Variants in CNTLN observed in about 807,000 individuals in gnomAD.
The protein encoded by CNTLN is centlein, centrosomal protein.
In CNTLN, 212 loss-of-function variants were observed where a neutral mutation model predicts 180.0. The observed-to-expected ratio is 1.18, with a 90% CI of 1.05 to 1.32. CNTLN has a LOEUF of 1.32. Ranked by LOEUF, CNTLN falls within the 40% of genes most tolerant of loss-of-function variation. The pLI, the probability that CNTLN is intolerant of heterozygous loss-of-function variation, is 0.00. For missense variants in CNTLN, 2,095 were observed against 1,610.9 expected, an observed-to-expected ratio of 1.30 and a Z score of -5.14; for synonymous variants, 722 against 563.1, an observed-to-expected ratio of 1.28 and a Z score of -3.99.
intron 18 of CNTLN, among the ~76,000 whole-genome samples, chr9:17,426,993 T>C (rs1169058418): frequency 6.6e-6 from 1 of 152,212 alleles, no homozygotes; most frequent in Non-Finnish European, 1.5e-5. Context: ...AGAATTTTTG[T>C]ACTCTGCCCT....
intron 2 of CNTLN, among the ~76,000 whole-genome samples, chr9:17,210,170 C>T (rs950303848): frequency 2.6e-5 from 4 of 152,092 alleles, no homozygotes; most frequent in African/African-American, 7.2e-5. Context: ...CCCATTAACT[C>T]GTCATTTACA....
rs182655182 is a variant in CNTLN at position 17,421,340 on chromosome 9, T to C, written c.3114+5151T>C. On this transcript the variant is annotated intron_variant, in intron 18 of 25. Coordinates refer to ENST00000380647, the MANE Select transcript of CNTLN (RefSeq NM_017738.4). ...TATAATGACCTTTTCTTTCTCTCTT[T>C]ATATTTTTTTGTCTCAAATTTTAAA... is the stretch of plus-strand genomic sequence containing the variant. Among the ~76,000 whole-genome samples, 1,206 of 152,254 alleles carry C rather than the reference T, an allele frequency of 7.9e-3. 11 individuals carry two copies. The highest frequency in any genetic ancestry group is 0.012 in the Non-Finnish European group (817 of 67,980).
chr9:17,453,525 A>G (rs1347488511), intron 18 of CNTLN, among the ~76,000 whole-genome samples: 1 of 152,190 alleles, frequency 6.6e-6, no homozygotes, highest in South Asian at 2.1e-4. Flanking sequence ...CAGGACCCAT[A>G]TTAATTTTCT....
chr9:17,189,545 G>C (rs903723884), intron 2 of CNTLN, among the ~76,000 whole-genome samples: 5 of 151,060 alleles, frequency 3.3e-5, no homozygotes, highest in African/African-American at 7.3e-5. Context: ...GTGCAGTGGC[G>C]TGATCTTGGC....
chr9:17,402,310 G>A (rs1827041795), intron 15 of CNTLN, among the ~76,000 whole-genome samples: 1 of 151,746 alleles, frequency 6.6e-6, no homozygotes, highest in South Asian at 2.1e-4. Context: ...CCCAAAATAT[G>A]AACAGGTAGG....
intron 5 of CNTLN, among the ~76,000 whole-genome samples, chr9:17,259,562 C>G (rs1826787359): frequency 6.6e-6 from 1 of 150,458 alleles, no homozygotes; most frequent in South Asian, 2.1e-4. Context: ...ACCAGTTCCT[C>G]CTTGTACCTC....
At chr9:17,170,616 A>G (rs138462459) in intron 2 of CNTLN, among the ~76,000 whole-genome samples, 3 of 151,926 alleles carry the variant, frequency 2.0e-5, no homozygotes, top group Admixed American at 1.3e-4. Flanking sequence ...TTTGCATTTC[A>G]TTGTTATATT....
chr9:17,386,694 A>G (rs887899263), intron 13 of CNTLN, among the ~76,000 whole-genome samples: 3 of 152,226 alleles, frequency 2.0e-5, no homozygotes, highest in Admixed American at 6.5e-5. Flanking sequence ...AGTGGACCTC[A>G]CACACATCCA....
rs541102220 is a variant in CNTLN at position 17,422,071 on chromosome 9, C to G, written c.3114+5882C>G. On this transcript the variant is annotated intron_variant, in intron 18 of 25. Transcript: ENST00000380647. ...ACTCCCTTTAGCATTTCTTGTAGGA[C>G]AGATCTGGTGTTGGCAAAATTCTCA... Among the ~76,000 whole-genome samples, 23 of 152,194 alleles carry G rather than the reference C, an allele frequency of 1.5e-4. No homozygotes were observed. The East Asian group carries it at 4.4e-3, about 29-fold the overall frequency.
rs549020884 is a variant in CNTLN, at chr9:17,284,271, C to A, written c.983+10405C>A. ...GGGTTTGGTATCAGGATGATACTGA[C>A]CTCATAAAATGAATTAGGGAGCAGA... is the stretch of plus-strand genomic sequence containing the variant. On this transcript the variant is annotated intron_variant, in intron 6 of 25. Coordinates refer to ENST00000380647, the MANE Select transcript of CNTLN (RefSeq NM_017738.4). 3.3e-5 allele frequency among the ~76,000 whole-genome samples: 5 copies of A among 152,214 alleles called. No homozygotes were observed. In the South Asian group the frequency reaches 1.0e-3, roughly 32 times the overall value.
intron 12 of CNTLN, among the ~76,000 whole-genome samples, chr9:17,357,612 T>TAA (rs201283112): frequency 0.042 from 3,729 of 88,570 alleles, 207 homozygotes; most frequent in East Asian, 0.33. Context: ...CATATATATA[T>TAA]AAATACTACA....
intron 16 of CNTLN, among the ~76,000 whole-genome samples, chr9:17,409,836 T>G (rs1055747102): frequency 6.6e-6 from 1 of 152,110 alleles, no homozygotes; most frequent in African/African-American, 2.4e-5. Context: ...ATCTCTAAAT[T>G]ACTTATTTCT....
At chr9:17,425,602 T>C (rs915613780) in intron 18 of CNTLN, among the ~76,000 whole-genome samples, 3 of 152,118 alleles carry the variant, frequency 2.0e-5, no homozygotes, top group African/African-American at 7.2e-5. Flanking sequence ...GGCTTTGGAA[T>C]TGGGTAATAG....
chr9:17,188,043 T>G (rs4961530), intron 2 of CNTLN, among the ~76,000 whole-genome samples: 1 of 149,274 alleles, frequency 6.7e-6, no homozygotes, highest in African/African-American at 2.5e-5. Context: ...CACAGCATAT[T>G]TATGTATATA....
At chr9:17,481,134 A>G (rs1245054720) in intron 23 of CNTLN, among the ~76,000 whole-genome samples, 1 of 152,000 alleles carries the variant, frequency 6.6e-6, no homozygotes, top group African/African-American at 2.4e-5. Flanking sequence ...CACAGTCTGG[A>G]CCCCGCCGAC....
chr9:17,202,616 G>C (rs1390691175), intron 2 of CNTLN, among the ~76,000 whole-genome samples: 1 of 99,992 alleles, frequency 1.0e-5, no homozygotes, highest in African/African-American at 3.7e-5. Context: ...TTTAAAGTCT[G>C]TTTTATCAGA....
At chr9:17,172,266 C>A (rs1820468309) in intron 2 of CNTLN, among the ~76,000 whole-genome samples, 1 of 152,124 alleles carries the variant, frequency 6.6e-6, no homozygotes. Context: ...GACTGTTAAG[C>A]TCCTTAGCAG....
chr9:17,408,308 A>G (rs1359325780), intron 15 of CNTLN, among the ~76,000 whole-genome samples: 1 of 152,110 alleles, frequency 6.6e-6, no homozygotes, highest in East Asian at 1.9e-4. Flanking sequence ...AATGTTCCAC[A>G]CAACCTCAAC....
At chr9:17,290,777 T>G (rs1829333505) in intron 6 of CNTLN, among the ~76,000 whole-genome samples, 1 of 151,610 alleles carries the variant, frequency 6.6e-6, no homozygotes. Flanking sequence ...ATTTTCCAGG[T>G]GCGTCTGTCA....
Sources: gnomAD v4.1 joint callset for allele counts (sites outside exome capture counted in the v4.1 genomes callset) on GRCh38, gnomAD v4.1.1 for gene constraint, MANE v1.5 for transcripts, NCBI Gene and HGNC (gene_info 2026-07-23, HGNC 2026-07-21) for gene names.